ANTXRL: variants seen among roughly 807,000 people sequenced by gnomAD.
ANTXRL encodes ANTXR like.
A neutral mutation model predicts 75.4 loss-of-function variants in ANTXRL; 63 were observed. The ratio of observed to expected loss-of-function variants is 0.84; its 90% CI spans 0.68 to 1.03. The LOEUF is 1.03. ANTXRL is among the 50% of genes least tolerant of loss of function. The pLI is 0.00. For synonymous variants in ANTXRL, 335 were observed against 291.3 expected, an observed-to-expected ratio of 1.15 and a Z score of -1.53; for missense variants, 797 against 789.4, an observed-to-expected ratio of 1.01 and a Z score of -0.12.
Position 46,329,853 on chromosome 10 carries a change from C to G in ANTXRL, c.1665C>G (p.Ile555Met), listed in dbSNP as rs1485843130. The G allele has an allele frequency of 2.0e-6, 3 of 1,535,030 alleles. No individual in the cohort carries two copies. Among genetic ancestry groups the G allele is most frequent in the South Asian group, 2.4e-5 (2 of 83,984 alleles). The change falls in exon 17 of 17, where the codon ATC becomes ATG. Residue 555 changes from isoleucine to methionine, a missense_variant. By Grantham distance (10) the Ile-to-Met change is conservative (BLOSUM62 1). This residue lies in a region of ANTXRL where 479 missense variants were observed against 422.0 expected (regional missense o/e 1.14). Transcript: ENST00000620264. ...ARKQAPCSPR[I>M]CLRHSPEYFS... ...AACAGGCTCCCTGCAGCCCAAGGATCTGCCTGAGACACAGCCCGGAGTACT... is the reference window on the plus strand; with the variant it reads ...AACAGGCTCCCTGCAGCCCAAGGATGTGCCTGAGACACAGCCCGGAGTACT...
chr10:46,329,346 G>A (rs1554967037), intron 16 of ANTXRL, among the ~76,000 whole-genome samples: 3 of 152,126 alleles, frequency 2.0e-5, no homozygotes, highest in African/African-American at 7.2e-5. Context: ...CGACTGGAGG[G>A]CTGAGGGAGT....
rs34058224 is a variant in ANTXRL, at chr10:46,296,272, C to T, written c.508+20C>T. ...CCGGAAGTAAGCACCTGCCGTCCCC[C>T]TGGTGGTCCTGTAGGGGGAACAGAG... On this transcript the variant is annotated intron_variant, in intron 5 of 16. Coordinates refer to ENST00000620264, the MANE Select transcript of ANTXRL (RefSeq NM_001278688.3). 3.3e-6 allele frequency: 5 copies of T among 1,535,148 alleles called. No individual in the cohort carries two copies. The highest frequency in any genetic ancestry group is 1.4e-5 in the African/African-American group (1 of 72,934).
At chr10:46,286,978 T>C (rs1201508939), upstream of ANTXRL, 1 of 498,874 alleles carries the variant, frequency 2.0e-6, no homozygotes, top group Non-Finnish European at 3.6e-6. Context: ...AAAGTCACCA[T>C]GTCAACCTTC....
intron 2 of ANTXRL, among the ~76,000 whole-genome samples, chr10:46,292,460 G>A (rs7475977): frequency 0.17 from 25,422 of 151,808 alleles, 1,821 homozygotes; most frequent in Non-Finnish European, 0.19. Context: ...GTTCAAGTAG[G>A]GGGCAAAGAA....
At chr10:46,289,750 C>G (rs1264669909) in intron 1 of ANTXRL, among the ~76,000 whole-genome samples, 1 of 152,010 alleles carries the variant, frequency 6.6e-6, no homozygotes, top group Non-Finnish European at 1.5e-5. Context: ...CCATCAAAAC[C>G]CAAAAAACTT....
At chr10:46,289,420 A>G (rs1267890085) in intron 1 of ANTXRL, among the ~76,000 whole-genome samples, 1 of 152,206 alleles carries the variant, frequency 6.6e-6, no homozygotes, top group Non-Finnish European at 1.5e-5. Context: ...GAAATGTTTC[A>G]TCATTGCGTA....
In ANTXRL at chr10:46,296,073, C is replaced by T. The variant is rs781832748; in HGVS notation, c.447C>T (p.His149=). ...DQLQKIVPDG[H]TFMQAGFRKA... is the part of the protein sequence containing the mutation. Reference sequence around the variant, plus strand: ...TTCAGAAAATTGTGCCTGACGGTCACACATTCATGCAGGCAGGATTTAGAA... The same window carrying T: ...TTCAGAAAATTGTGCCTGACGGTCATACATTCATGCAGGCAGGATTTAGAA... The change falls in exon 4 of 17, where the codon CAC becomes CAT. Residue 149 remains histidine (H), a synonymous_variant. Coordinates refer to ENST00000620264, the MANE Select transcript of ANTXRL (RefSeq NM_001278688.3). The T allele has an allele frequency of 6.5e-7, 1 of 1,535,958 alleles. No homozygotes were observed. The highest frequency in any genetic ancestry group is 1.2e-5 in the South Asian group (1 of 84,042).
intron 3 of ANTXRL, among the ~76,000 whole-genome samples, chr10:46,294,864 G>A (rs1837273028): frequency 1.0e-5 from 1 of 95,746 alleles, no homozygotes; most frequent in Non-Finnish European, 2.6e-5. Context: ...TCCGGCCATG[G>A]CAGGGACTCT....
intron 3 of ANTXRL, among the ~76,000 whole-genome samples, chr10:46,294,344 T>C (rs1389408485): frequency 5.3e-5 from 8 of 152,022 alleles, no homozygotes; most frequent in African/African-American, 1.9e-4. Flanking sequence ...AGTGGGGCTT[T>C]AGTGCAGGGA....
chr10:46,304,516 T>A (rs1194910315), intron 10 of ANTXRL, among the ~76,000 whole-genome samples: 2 of 152,140 alleles, frequency 1.3e-5, no homozygotes, highest in African/African-American at 4.8e-5. Context: ...AAGTATTTTT[T>A]TGTGTTAAGT....
intron 16 of ANTXRL, among the ~76,000 whole-genome samples, chr10:46,323,820 G>T (rs1178298692): frequency 2.0e-5 from 3 of 152,152 alleles, no homozygotes; most frequent in Non-Finnish European, 4.4e-5. Context: ...ATGGTTAAAA[G>T]CCTGGACTGT....
intron 2 of ANTXRL, among the ~76,000 whole-genome samples, chr10:46,292,637 G>T (rs1199217638): frequency 1.3e-5 from 2 of 152,134 alleles, no homozygotes; most frequent in Admixed American, 1.3e-4. Context: ...CTCAGGGAGG[G>T]CTGGGAGAGG....
chr10:46,318,550 C>T (rs1838842357), intron 16 of ANTXRL, among the ~76,000 whole-genome samples: 1 of 152,002 alleles, frequency 6.6e-6, no homozygotes, highest in Non-Finnish European at 1.5e-5. Flanking sequence ...ATTTTTAATA[C>T]AGAAAAGCAG....
At chr10:46,312,570 G>A (rs546738297) in intron 15 of ANTXRL, among the ~76,000 whole-genome samples, 1 of 145,568 alleles carries the variant, frequency 6.9e-6, no homozygotes, top group Non-Finnish European at 1.5e-5. Context: ...GCCTCAGTGG[G>A]CATCTGGGGA....
intron 3 of ANTXRL, 109 bp from the exon 4 acceptor site, chr10:46,295,910 T>C (rs1196511055): frequency 6.7e-6 from 6 of 897,338 alleles, no homozygotes; most frequent in Non-Finnish European, 8.8e-6. Context: ...GGGCCCCTCC[T>C]TCATCCAGGA....
chr10:46,301,474 C>G (rs1837740639), intron 9 of ANTXRL, among the ~76,000 whole-genome samples: 2 of 152,152 alleles, frequency 1.3e-5, no homozygotes, highest in African/African-American at 2.4e-5. Flanking sequence ...GCACCTTGAG[C>G]AGGAAGAGTA....
intron 1 of ANTXRL, among the ~76,000 whole-genome samples, chr10:46,290,256 T>C (rs143065071): frequency 0.036 from 5,468 of 152,114 alleles, 197 homozygotes; most frequent in East Asian, 0.12. Flanking sequence ...ATTGGACAGG[T>C]TGGTCTTGAA....
chr10:46,303,161 C>T (rs1327295352), intron 10 of ANTXRL, among the ~76,000 whole-genome samples: 2 of 152,192 alleles, frequency 1.3e-5, no homozygotes, highest in Non-Finnish European at 1.5e-5. Context: ...ACCCAAAGCC[C>T]ACAAGGCTAC....
intron 16 of ANTXRL, among the ~76,000 whole-genome samples, chr10:46,319,450 G>T (rs1480789017): frequency 6.6e-6 from 1 of 152,158 alleles, no homozygotes; most frequent in Non-Finnish European, 1.5e-5. Flanking sequence ...CTATTAGGAT[G>T]ACTACAAAGA....
Sources: gnomAD v4.1 joint callset for allele counts (sites outside exome capture counted in the v4.1 genomes callset) on GRCh38, gnomAD v4.1.1 for gene constraint, gnomAD v4.1.1 regional missense constraint, MANE v1.5 for transcripts, NCBI Gene and HGNC (gene_info 2026-07-23, HGNC 2026-07-21) for gene names.